The following MYPOP variants were observed in gnomAD, a reference collection of about 807,000 sequenced individuals.
MYPOP encodes Myb related transcription factor, partner of profilin, also known as myb-related transcription factor, partner of profilin.
MYPOP carries 21 observed loss-of-function variants against 25.7 expected under a neutral mutation model. The ratio of observed to expected loss-of-function variants is 0.82; its 90% CI spans 0.58 to 1.18. The LOEUF is 1.18. MYPOP is among the 50% of genes most tolerant of loss of function. The pLI is 0.00. For missense variants in MYPOP, 566 were observed against 588.3 expected, an observed-to-expected ratio of 0.96 and a Z score of 0.39; for synonymous variants, 280 against 247.9, an observed-to-expected ratio of 1.13 and a Z score of -1.22.
Position 45,901,775 on chromosome 19 carries a change from G to T in MYPOP, c.-2C>A, listed in dbSNP as rs1398138215. ...TTCGCCCGCCGCCGCCGAGGCCATGGCGCCCCCCGACGCCGCCGTCCTGCC... is the reference window on the plus strand; with the variant it reads ...TTCGCCCGCCGCCGCCGAGGCCATGTCGCCCCCCGACGCCGCCGTCCTGCC... On this transcript the variant is annotated 5_prime_UTR_variant, in exon 2 of 3. Coordinates refer to ENST00000322217, the MANE Select transcript of MYPOP (RefSeq NM_001012643.4). This position sits in a 1 kb window ranked among gnomAD's most constrained non-coding sequence, Gnocchi z 5.7. The T allele has an allele frequency of 4.2e-6, 6 of 1,440,684 alleles. No homozygotes were observed. Among genetic ancestry groups the T allele is most frequent in the Non-Finnish European group, 4.5e-6 (5 of 1,100,116 alleles). 89.2% of individuals were successfully genotyped at this position (1,440,684 alleles called of 1,614,324 possible).
Position 45,891,090 on chromosome 19 carries a change from G to A in MYPOP, c.733C>T (p.Pro245Ser). The A allele has an allele frequency of 2.1e-6, 3 of 1,456,024 alleles. No individual in the cohort carries two copies. The highest frequency in any genetic ancestry group is 2.2e-5 in the Admixed American group (1 of 45,274). 90.2% of individuals were successfully genotyped at this position (1,456,024 alleles called of 1,614,324 possible). A position where few individuals can be genotyped will look rare whatever the true frequency, so the allele number is the denominator to read the frequency against. Residue 245 changes from proline to serine, a missense_variant, in exon 3 of 3, where the codon CCC (proline) becomes TCC (serine). By Grantham distance (74) the Pro-to-Ser change is moderately conservative (BLOSUM62 -1). Coordinates refer to ENST00000322217, the MANE Select transcript of MYPOP (RefSeq NM_001012643.4). ...QVAPSPPSPP[P>S]PPRPPPTLSA... ...AGCGTGGGTGGAGGCCGAGGAGGGG[G>A]TGGGGGGCTAGGGGGTGAGGGTGCC... is the stretch of plus-strand genomic sequence containing the variant.
At chr19:45,894,561 G>T (rs1037523004) in intron 2 of MYPOP, among the ~76,000 whole-genome samples, 5 of 149,730 alleles carry the variant, frequency 3.3e-5, no homozygotes, top group African/African-American at 1.2e-4. Context: ...CCACAGAGGT[G>T]CGACCCCACA....
intron 2 of MYPOP, among the ~76,000 whole-genome samples, chr19:45,893,430 T>C (rs1014212808): frequency 6.6e-6 from 1 of 151,136 alleles, no homozygotes; most frequent in Non-Finnish European, 1.5e-5. Context: ...TAGCTGGGCA[T>C]GGTGGTGCAT....
At chr19:45,894,724 C>CTTT (rs541151119) in intron 2 of MYPOP, among the ~76,000 whole-genome samples, 3 of 120,966 alleles carry the variant, frequency 2.5e-5, no homozygotes, top group African/African-American at 2.7e-5. Flanking sequence ...TTTCTTTTTT[C>CTTT]TTTTTTTTTT....
Position 45,890,713 on chromosome 19 carries a change from T to TGGGGGGCG in MYPOP, c.1109_1110insCGCCCCCC (p.Leu373GlnfsTer36). 1 of 265,124 alleles carries TGGGGGGCG rather than the reference T, an allele frequency of 3.8e-6. No homozygotes were observed. The highest frequency in any genetic ancestry group is 6.4e-6 in the Non-Finnish European group (1 of 157,228). The allele number at this position is 265,124 out of a possible 1,614,324, so 16.4% of individuals were successfully genotyped here. On this transcript the variant is annotated frameshift_variant, in exon 3 of 3. Coordinates refer to ENST00000322217, the MANE Select transcript of MYPOP (RefSeq NM_001012643.4). LOFTEE classifies it high-confidence loss of function. ...GGGAGTCGTGCGGAGGGAGCGGGGC[T>TGGGGGGCG]GGGGGGGGCCGGGGTGCCCCCTCCT...
In MYPOP at chr19:45,890,651, T is replaced by C. The variant is rs1446433984; in HGVS notation, c.1172A>G (p.Lys391Arg). 3.1e-6 allele frequency: 5 copies of C among 1,608,848 alleles called. No homozygotes were observed. Among genetic ancestry groups the C allele is most frequent in the Non-Finnish European group, 4.2e-6 (5 of 1,177,690 alleles). ...CGGAGATTTCCATCGGCCGCGCCTT[T>C]TCCGTGTAGGGAAACCTTTTCTCCG... ...HKRRKGFPTR[K>R]RRGRWKSP Residue 391 changes from lysine to arginine, a missense_variant, in exon 3 of 3, where the codon AAA (lysine) becomes AGA (arginine). By Grantham distance (26) the Lys-to-Arg change is conservative. Transcript: ENST00000322217.
intron 1 of MYPOP, among the ~76,000 whole-genome samples, chr19:45,902,339 G>C (rs1967313986): frequency 6.6e-6 from 1 of 151,964 alleles, no homozygotes; most frequent in Non-Finnish European, 1.5e-5. Context: ...GGATGTCCAG[G>C]AATAATGGTG....
Position 45,891,301 on chromosome 19 carries a change from C to T in MYPOP, c.522G>A (p.Ala174=), listed in dbSNP as rs545145737. Residue 174 remains alanine, a synonymous_variant, in exon 3 of 3, where the codon GCG becomes GCA. Coordinates refer to ENST00000322217, the MANE Select transcript of MYPOP (RefSeq NM_001012643.4). ...CCCATGGCTCCGGGCTGCTGGAGCCCGCCTTGCTGTGGGCTGATGTATCTG... is the reference window on the plus strand; with the variant it reads ...CCCATGGCTCCGGGCTGCTGGAGCCTGCCTTGCTGTGGGCTGATGTATCTG... ...RRADTSAHSK[A]GSSSPEPWAR... The T allele has an allele frequency of 5.1e-5, 79 of 1,534,414 alleles. No homozygotes were observed. Among genetic ancestry groups the T allele is most frequent in the African/African-American group, 4.4e-4 (32 of 73,560 alleles).
Position 45,890,285 on chromosome 19 carries a change from C to G in MYPOP, c.*338G>C, listed in dbSNP as rs1967097432. ...CCCCACGGGTCAATTCTCTTCAAGT[C>G]AAGAACAGGAACTGTTAGGGAAGGG... On this transcript the variant is annotated 3_prime_UTR_variant, in exon 3 of 3. Transcript: ENST00000322217. 4.2e-6 allele frequency: 1 copy of G among 235,962 alleles called. No individual in the cohort carries two copies. The highest frequency in any genetic ancestry group is 1.2e-4 in the South Asian group (1 of 8,310). 14.6% of individuals were successfully genotyped at this position (235,962 alleles called of 1,614,324 possible).
At chr19:45,897,237 A>AT (rs35760449) in intron 2 of MYPOP, among the ~76,000 whole-genome samples, 16,772 of 148,652 alleles carry the variant, frequency 0.11, 1,022 homozygotes, top group African/African-American at 0.14. Flanking sequence ...TAATTTTTGT[A>AT]TTTTTAGTAG....
chr19:45,890,497 G>C lies in MYPOP; in HGVS notation c.*126C>G. On this transcript the variant is annotated 3_prime_UTR_variant, in exon 3 of 3. Transcript: ENST00000322217. ...GAGAATCAGGCACTAACTAGCACAG[G>C]GAGTGGGTGCTCACATCCCTGGAGC... The C allele has an allele frequency of 6.8e-7, 1 of 1,464,614 alleles. No individual in the cohort carries two copies. The highest frequency in any genetic ancestry group is 9.1e-7 in the Non-Finnish European group (1 of 1,099,520). 90.7% of individuals were successfully genotyped at this position (1,464,614 alleles called of 1,614,324 possible).
chr19:45,890,630 G>C lies in MYPOP; in HGVS notation c.1193C>G (p.Ser398Cys). 6.3e-7 allele frequency: 1 copy of C among 1,598,088 alleles called. No individual in the cohort carries two copies. The highest frequency in any genetic ancestry group is 8.5e-7 in the Non-Finnish European group (1 of 1,171,324). Residue 398 changes from serine to cysteine, a missense_variant, in exon 3 of 3, where the codon TCT becomes TGT. Physicochemically the swap from Ser to Cys is moderately radical, Grantham distance 112. Coordinates refer to ENST00000322217, the MANE Select transcript of MYPOP (RefSeq NM_001012643.4). ...PTRKRRGRWK[S>C]P The stretch of plus-strand genomic sequence containing the variant: ...GATCATAGATAGTAGATTTCACGGA[G>C]ATTTCCATCGGCCGCGCCTTTTCCG...
At position 45,901,296 on chromosome 19, in the gene MYPOP, G is replaced by T. The variant is rs772187766; in HGVS notation, c.478C>A (p.Arg160Ser). The change falls in exon 2 of 3, where the codon CGC becomes AGC. Residue 160 changes from arginine to serine, a missense_variant. Arg to Ser is a moderately radical substitution (Grantham distance 110). Transcript: ENST00000322217. This position sits in a 1 kb window ranked among gnomAD's most constrained non-coding sequence, Gnocchi z 5.7. ...CPQRYVLSED[R>S]REDRRADTSA... The stretch of plus-strand genomic sequence containing the variant: ...TCACCTGCACGTCGGTCCTCCCGGC[G>T]GTCTTCCGACAACACGTAGCGCTGA... The T allele has an allele frequency of 1.7e-4, 240 of 1,452,318 alleles. No individual in the cohort carries two copies. Among genetic ancestry groups the T allele is most frequent in the Non-Finnish European group, 2.0e-4 (225 of 1,103,648 alleles). The allele number at this position is 1,452,318 out of a possible 1,614,324, so 90.0% of individuals were successfully genotyped here.
chr19:45,901,960 C>A lies in MYPOP; in HGVS notation c.-52-135G>T. The A allele has an allele frequency of 2.5e-6, 1 of 402,822 alleles. No individual in the cohort carries two copies. The highest frequency in any genetic ancestry group is 4.1e-6 in the Non-Finnish European group (1 of 241,082). 25.0% of individuals were successfully genotyped at this position (402,822 alleles called of 1,614,324 possible). Reference sequence around the variant, plus strand: ...GCGGGGGGCGGGCGGGGGCGACGGGCACCCGGGTAAGTCGGAAGCGCCTAA... The same window carrying A: ...GCGGGGGGCGGGCGGGGGCGACGGGAACCCGGGTAAGTCGGAAGCGCCTAA... On this transcript the variant is annotated intron_variant, in intron 1 of 2. Coordinates refer to ENST00000322217, the MANE Select transcript of MYPOP (RefSeq NM_001012643.4). The surrounding 1 kb of genome is among the most constrained non-coding windows in gnomAD (Gnocchi z 5.7).
rs1967301886 is a variant in MYPOP, at chr19:45,901,834, A to T, written c.-52-9T>A. 1.5e-6 allele frequency: 2 copies of T among 1,308,836 alleles called. No individual in the cohort carries two copies. The highest frequency in any genetic ancestry group is 6.3e-5 in the East Asian group (2 of 31,628). The allele number at this position is 1,308,836 out of a possible 1,614,324, so 81.1% of individuals were successfully genotyped here. A position where few individuals can be genotyped will look rare whatever the true frequency, so the allele number is the denominator to read the frequency against. Reference sequence around the variant, plus strand: ...CATGGGGGGCGCCGGCGCTGCGGGCAAAGGGCGCACGGGGCTGGCTGGGGT... The same window carrying T: ...CATGGGGGGCGCCGGCGCTGCGGGCTAAGGGCGCACGGGGCTGGCTGGGGT... On this transcript the variant is annotated splice_polypyrimidine_tract_variant and intron_variant, in intron 1 of 2. Coordinates refer to ENST00000322217, the MANE Select transcript of MYPOP (RefSeq NM_001012643.4). The surrounding 1 kb of genome is among the most constrained non-coding windows in gnomAD (Gnocchi z 5.7).
At chr19:45,898,603 G>T (rs1229271485) in intron 2 of MYPOP, among the ~76,000 whole-genome samples, 1 of 152,060 alleles carries the variant, frequency 6.6e-6, no homozygotes, top group Non-Finnish European at 1.5e-5. Flanking sequence ...TATTACAGGC[G>T]TGAGCCACCG....
chr19:45,890,402 G>C lies in MYPOP; in HGVS notation c.*221C>G. 1 of 592,862 alleles carries C rather than the reference G, an allele frequency of 1.7e-6. No homozygotes were observed. Among genetic ancestry groups the C allele is most frequent in the Admixed American group, 3.7e-5 (1 of 26,722 alleles). The allele number at this position is 592,862 out of a possible 1,614,324, so 36.7% of individuals were successfully genotyped here. A position where few individuals can be genotyped will look rare whatever the true frequency, so the allele number is the denominator to read the frequency against. On this transcript the variant is annotated 3_prime_UTR_variant, in exon 3 of 3. Transcript: ENST00000322217. ...GATGGCTTAGAAGTCAGGGTTAAGG[G>C]AGGCAGCCAGGCAGACAGCACTGTA...
intron 2 of MYPOP, among the ~76,000 whole-genome samples, chr19:45,892,510 C>A (rs985995364): frequency 1.6e-4 from 25 of 152,096 alleles, no homozygotes; most frequent in African/African-American, 5.3e-4. Flanking sequence ...CTCGCCTGGG[C>A]TCCAGACTCC....
intron 2 of MYPOP, among the ~76,000 whole-genome samples, chr19:45,899,847 A>G (rs1010439876): frequency 3.9e-5 from 6 of 152,170 alleles, no homozygotes; most frequent in Non-Finnish European, 8.8e-5. Flanking sequence ...TCTCAAAACA[A>G]AAAACAAAAC....
Sources: allele counts gnomAD v4.1 joint callset (sites outside exome capture counted in the v4.1 genomes callset), GRCh38; gene constraint gnomAD v4.1.1; non-coding constraint Gnocchi (gnomAD v3.1); transcripts MANE v1.5; gene names NCBI Gene and HGNC (gene_info 2026-07-23, HGNC 2026-07-21).